ATP8A2: variants seen among roughly 807,000 people sequenced by gnomAD.
ATP8A2 encodes phospholipid-transporting ATPase IB.
A neutral mutation model predicts 165.6 loss-of-function variants in ATP8A2; 100 were observed. The ratio of observed to expected loss-of-function variants is 0.60; its 90% CI spans 0.51 to 0.71. The LOEUF is 0.71. Ranked by LOEUF, ATP8A2 falls within the 30% of genes least tolerant of loss-of-function variation. The probability of loss-of-function intolerance (pLI) is 0.00; values close to 1 mark genes in which losing one functional copy is unlikely to be tolerated. For missense variants in ATP8A2, 1,227 were observed against 1,479.5 expected, an observed-to-expected ratio of 0.83 and a Z score of 2.80; for synonymous variants, 543 against 548.8, an observed-to-expected ratio of 0.99 and a Z score of 0.15.
intron 1 of ATP8A2, among the ~76,000 whole-genome samples, chr13:25,382,184 T>C (rs371643019): frequency 8.5e-5 from 13 of 152,248 alleles, no homozygotes; most frequent in Middle Eastern, 3.2e-3. Context: ...TAGCATCATA[T>C]AGCATGAAGC....
chr13:25,998,172 TG>T (rs1384373225), intron 35 of ATP8A2, among the ~76,000 whole-genome samples: 1 of 152,196 alleles, frequency 6.6e-6, no homozygotes, highest in Non-Finnish European at 1.5e-5. Flanking sequence ...AGACCTTTTC[TG>T]ACATCACCCA....
intron 25 of ATP8A2, among the ~76,000 whole-genome samples, chr13:25,718,036 A>G (rs1369100941): frequency 6.6e-6 from 1 of 152,192 alleles, no homozygotes; most frequent in Non-Finnish European, 1.5e-5. Context: ...GATGGCAGGA[A>G]GGGTCTGGGC....
chr13:26,018,174 C>A (rs994226418), intron 36 of ATP8A2, among the ~76,000 whole-genome samples: 3 of 152,358 alleles, frequency 2.0e-5, no homozygotes, highest in East Asian at 1.9e-4. Context: ...CGATAACCCC[C>A]CTGAGCCTTT....
At chr13:25,607,225 C>T (rs2040540276) in intron 24 of ATP8A2, among the ~76,000 whole-genome samples, 1 of 152,150 alleles carries the variant, frequency 6.6e-6, no homozygotes, top group Non-Finnish European at 1.5e-5. Context: ...AAAACGGGTC[C>T]CTGGTGCCAA....
In ATP8A2 at chr13:25,531,168, T is replaced by TA. The variant is rs1235786023; in HGVS notation, c.420+508_420+509insA. On this transcript the variant is annotated intron_variant, in intron 4 of 36. Transcript: ENST00000381655. Reference sequence around the variant, plus strand: ...ATATGTTATATATATGATATATATGTTATATGATATATATATGTTATATAT... The same window carrying TA: ...ATATGTTATATATATGATATATATGTATATATGATATATATATGTTATATAT... Among the ~76,000 whole-genome samples the TA allele has an allele frequency of 4.5e-4, 46 of 102,392 alleles. 1 individual carries two copies. Among genetic ancestry groups the TA allele is most frequent in the Admixed American group, 5.9e-4 (6 of 10,238 alleles). 67.2% of individuals were successfully genotyped at this position (102,392 alleles called of 152,430 possible). A position where few individuals can be genotyped will look rare whatever the true frequency, so the allele number is the denominator to read the frequency against.
At chr13:25,630,992 T>A (rs2041227777) in intron 24 of ATP8A2, among the ~76,000 whole-genome samples, 1 of 152,212 alleles carries the variant, frequency 6.6e-6, no homozygotes, top group African/African-American at 2.4e-5. Context: ...GTGAAATAAC[T>A]GCCTGGGTGT....
intron 25 of ATP8A2, among the ~76,000 whole-genome samples, chr13:25,728,960 T>C (rs1217597625): frequency 2.0e-5 from 3 of 152,172 alleles, no homozygotes; most frequent in Non-Finnish European, 2.9e-5. Flanking sequence ...CAAACGTAAC[T>C]TCTTTCCAGG....
intron 33 of ATP8A2, among the ~76,000 whole-genome samples, chr13:25,924,437 A>G (rs1954541749): frequency 6.6e-6 from 1 of 151,976 alleles, no homozygotes; most frequent in South Asian, 2.1e-4. Flanking sequence ...TAGAAGCATC[A>G]CCCTGATTTT....
chr13:25,498,207 A>G (rs936387662), intron 2 of ATP8A2, among the ~76,000 whole-genome samples: 2 of 152,178 alleles, frequency 1.3e-5, no homozygotes, highest in African/African-American at 4.8e-5. Flanking sequence ...TCATACTATG[A>G]ATGGTGCATA....
At chr13:25,460,140 G>A (rs1163589223) in intron 1 of ATP8A2, among the ~76,000 whole-genome samples, 1 of 152,184 alleles carries the variant, frequency 6.6e-6, no homozygotes, top group Non-Finnish European at 1.5e-5. Context: ...GGCAGAGGTT[G>A]CAGTGAGCCG....
At chr13:25,749,120 C>T (rs970772121) in intron 25 of ATP8A2, among the ~76,000 whole-genome samples, 3 of 152,236 alleles carry the variant, frequency 2.0e-5, no homozygotes, top group South Asian at 2.1e-4. Flanking sequence ...TTCTGTCTTC[C>T]GTGAAATAAA....
intron 24 of ATP8A2, among the ~76,000 whole-genome samples, chr13:25,664,796 T>C (rs906791656): frequency 7.2e-5 from 11 of 152,212 alleles, no homozygotes; most frequent in Non-Finnish European, 1.5e-4. Context: ...GTTTTCATTT[T>C]CTTCTGTGAA....
chr13:25,517,659 C>A (rs61948596), intron 2 of ATP8A2, among the ~76,000 whole-genome samples: 10,235 of 152,230 alleles, frequency 0.067, 463 homozygotes, highest in African/African-American at 0.11. Flanking sequence ...TCTAAAAGAG[C>A]ACTAATACCT....
intron 33 of ATP8A2, among the ~76,000 whole-genome samples, chr13:25,878,672 T>C (rs1305172581): frequency 6.6e-6 from 1 of 152,026 alleles, no homozygotes; most frequent in Non-Finnish European, 1.5e-5. Context: ...GCAAGCCCAG[T>C]AGGTCTCAGC....
chr13:25,629,586 GT>G (rs1224687149), intron 24 of ATP8A2, among the ~76,000 whole-genome samples: 3 of 152,028 alleles, frequency 2.0e-5, no homozygotes, highest in Non-Finnish European at 4.4e-5. Flanking sequence ...AGGTGAGATG[GT>G]GCATATGATC....
intron 24 of ATP8A2, among the ~76,000 whole-genome samples, chr13:25,667,580 C>G (rs1236095751): frequency 6.6e-6 from 1 of 152,106 alleles, no homozygotes; most frequent in Non-Finnish European, 1.5e-5. Context: ...AAGCCCTTGT[C>G]AGATGCCAGG....
chr13:25,449,667 A>G (rs765373176), intron 1 of ATP8A2, among the ~76,000 whole-genome samples: 11 of 152,176 alleles, frequency 7.2e-5, no homozygotes, highest in Non-Finnish European at 1.0e-4. Context: ...ATCTCCAAGT[A>G]TAATTGCGGG....
chr13:25,382,109 G>T (rs2032860002), intron 1 of ATP8A2, among the ~76,000 whole-genome samples: 1 of 152,010 alleles, frequency 6.6e-6, no homozygotes, highest in African/African-American at 2.4e-5. Context: ...CTAACCTCCG[G>T]CAACCACTGA....
At chr13:25,834,318 G>A (rs1352463795) in intron 28 of ATP8A2, among the ~76,000 whole-genome samples, 18 of 152,108 alleles carry the variant, frequency 1.2e-4, no homozygotes, top group Admixed American at 1.1e-3. Flanking sequence ...CAATGGGAGA[G>A]GAAAATGCTT....
Sources: allele counts gnomAD v4.1 joint callset (sites outside exome capture counted in the v4.1 genomes callset), GRCh38; gene constraint gnomAD v4.1.1; transcripts MANE v1.5; gene names NCBI Gene and HGNC (gene_info 2026-07-23, HGNC 2026-07-21).